CDC42SE2: variants seen among roughly 807,000 people sequenced by gnomAD.
CDC42SE2 encodes CDC42 small effector 2, also known as CDC42 small effector protein 2.
Under a neutral mutation model 11.5 loss-of-function variants are expected in CDC42SE2, and 3 were observed. The observed-to-expected ratio is 0.26, with a 90% CI of 0.12 to 0.67. CDC42SE2 has a LOEUF of 0.67. Ranked by LOEUF, CDC42SE2 falls within the 30% of genes least tolerant of loss-of-function variation. The pLI is 0.80. For synonymous variants in CDC42SE2, 33 were observed against 34.8 expected (o/e 0.95, Z 0.18); for missense variants, 82 against 106.8 (o/e 0.77, Z 1.02).
intron 1 of CDC42SE2, among the ~76,000 whole-genome samples, chr5:131,314,392 T>C (rs1053014894): frequency 6.6e-6 from 1 of 152,054 alleles, no homozygotes; most frequent in African/African-American, 2.4e-5. Context: ...CCACCATGCC[T>C]GGTTAACTTA....
intron 2 of CDC42SE2, among the ~76,000 whole-genome samples, chr5:131,345,182 A>T (rs1270760762): frequency 1.3e-5 from 2 of 152,218 alleles, no homozygotes; most frequent in Non-Finnish European, 2.9e-5. Flanking sequence ...AAGGCTTCAG[A>T]TGATCGGTAA....
At chr5:131,279,289 A>G (rs976173000) in intron 1 of CDC42SE2, among the ~76,000 whole-genome samples, 7 of 152,270 alleles carry the variant, frequency 4.6e-5, no homozygotes, top group African/African-American at 1.4e-4. Context: ...TTAACTGTGT[A>G]TCTAATAGTT....
chr5:131,342,571 G>A (rs1758737701), intron 2 of CDC42SE2, among the ~76,000 whole-genome samples: 1 of 151,548 alleles, frequency 6.6e-6, no homozygotes, highest in Non-Finnish European at 1.5e-5. Flanking sequence ...TGTATTTTTA[G>A]TAGAGATGGG....
At chr5:131,318,594 C>G (rs1483552748) in intron 2 of CDC42SE2, among the ~76,000 whole-genome samples, 1 of 152,202 alleles carries the variant, frequency 6.6e-6, no homozygotes, top group Non-Finnish European at 1.5e-5. Context: ...GAAGCCAACA[C>G]TGAGTGAGTA....
chr5:131,273,197 C>G (rs1262684851), intron 1 of CDC42SE2, among the ~76,000 whole-genome samples: 2 of 147,724 alleles, frequency 1.4e-5, no homozygotes, highest in African/African-American at 4.9e-5. Flanking sequence ...GCTCTGTTGC[C>G]CAGGCTGGAG....
chr5:131,244,526 C>G (rs192738792), upstream of CDC42SE2, among the ~76,000 whole-genome samples: 2 of 152,174 alleles, frequency 1.3e-5, no homozygotes, highest in Non-Finnish European at 2.9e-5. Flanking sequence ...GCCTAGCCAA[C>G]AGGGTGAAAC....
intron 2 of CDC42SE2, among the ~76,000 whole-genome samples, chr5:131,339,859 C>T (rs538529690): frequency 6.7e-6 from 1 of 149,220 alleles, no homozygotes; most frequent in South Asian, 2.1e-4. Flanking sequence ...CTAAAAGAGT[C>T]ATGGAGAAAA....
the CDC42SE2 span, among the ~76,000 whole-genome samples, chr5:131,228,292 A>G: frequency 2.6e-5 from 4 of 152,006 alleles, no homozygotes; most frequent in African/African-American, 9.7e-5. Context: ...GCTTGAGCCC[A>G]GGAAGTTGAG....
chr5:131,372,669 C>T (rs1250456081), intron 3 of CDC42SE2, among the ~76,000 whole-genome samples: 1 of 151,682 alleles, frequency 6.6e-6, no homozygotes, highest in South Asian at 2.1e-4. Context: ...GCCGAGATCA[C>T]GCCACTGCAC....
rs1750641987 is a variant in CDC42SE2 at position 131,391,202 on chromosome 5, T to G, written c.*111T>G. The stretch of plus-strand genomic sequence containing the variant: ...GTATATATATATAATTTTTTAATGG[T>G]GAACTTATTGGGAAAGGCAAAATTA... On this transcript the variant is annotated 3_prime_UTR_variant, in exon 5 of 5. Coordinates refer to ENST00000505065, the MANE Select transcript of CDC42SE2 (RefSeq NM_001375635.1). The G allele has an allele frequency of 2.4e-6, 1 of 410,836 alleles. No homozygotes were observed. The highest frequency in any genetic ancestry group is 4.9e-5 in the Admixed American group (1 of 20,550). The allele number at this position is 410,836 out of a possible 1,614,324, so 25.4% of individuals were successfully genotyped here. A position where few individuals can be genotyped will look rare whatever the true frequency, so the allele number is the denominator to read the frequency against.
At chr5:131,359,131 A>G in intron 2 of CDC42SE2, 78 bp from the exon 3 acceptor site, 1 of 169,554 alleles carries the variant, frequency 5.9e-6, no homozygotes. Context: ...TTTTTTGGTA[A>G]TATTTATTTT....
At chr5:131,272,052 T>C (rs1378808867) in intron 1 of CDC42SE2, among the ~76,000 whole-genome samples, 11 of 152,202 alleles carry the variant, frequency 7.2e-5, no homozygotes, top group Non-Finnish European at 1.6e-4. Flanking sequence ...ACTGTGTCAC[T>C]CAGGCTAGAG....
intron 1 of CDC42SE2, among the ~76,000 whole-genome samples, chr5:131,313,172 C>A (rs749165158): frequency 6.6e-6 from 1 of 151,766 alleles, no homozygotes; most frequent in African/African-American, 2.4e-5. Flanking sequence ...TTAGTGGAGG[C>A]GGGGTTTTGC....
intron 1 of CDC42SE2, among the ~76,000 whole-genome samples, chr5:131,270,399 A>G (rs1400456587): frequency 1.3e-5 from 2 of 152,212 alleles, no homozygotes; most frequent in African/African-American, 4.8e-5. Flanking sequence ...AAAAATAAAA[A>G]CAACAACATA....
intron 2 of CDC42SE2, among the ~76,000 whole-genome samples, chr5:131,351,399 T>C (rs905435053): frequency 3.3e-5 from 5 of 152,198 alleles, no homozygotes; most frequent in South Asian, 2.1e-4. Context: ...GGACTACAGG[T>C]GCCTGCCACC....
At chr5:131,292,906 C>CAAAAAAAAAAAAAAAAAAAAAAAAAA (rs869300653) in intron 1 of CDC42SE2, among the ~76,000 whole-genome samples, 1 of 58,914 alleles carries the variant, frequency 1.7e-5, no homozygotes, top group African/African-American at 1.0e-4. Context: ...GACCCTGTCT[C>CAAAAAAAAAAAAAAAAAAAAAAAAAA]AAAAAAAAAA....
chr5:131,273,409 GC>G (rs1308215276), intron 1 of CDC42SE2, among the ~76,000 whole-genome samples: 1 of 149,846 alleles, frequency 6.7e-6, no homozygotes, highest in Non-Finnish European at 1.5e-5. Context: ...GCCCAGCTTG[GC>G]CTCCCAAAGT....
chr5:131,263,718 G>A, upstream of CDC42SE2: 1 of 151,898 alleles, frequency 6.6e-6, no homozygotes, highest in African/African-American at 2.4e-5. Flanking sequence ...CCCGGGCCGG[G>A]GTGGGAAGGG....
intron 2 of CDC42SE2, among the ~76,000 whole-genome samples, chr5:131,349,559 T>C (rs912126467): frequency 2.6e-5 from 4 of 152,188 alleles, no homozygotes; most frequent in African/African-American, 9.7e-5. Flanking sequence ...CAGTTATATA[T>C]TGGTTTTCGA....
Sources: gnomAD v4.1 joint callset for allele counts (sites outside exome capture counted in the v4.1 genomes callset) on GRCh38, gnomAD v4.1.1 for gene constraint, MANE v1.5 for transcripts, NCBI Gene and HGNC (gene_info 2026-07-23, HGNC 2026-07-21) for gene names.